CCSER1: variants seen among roughly 807,000 people sequenced by gnomAD.
CCSER1 encodes the protein serine-rich coiled-coil domain-containing protein 1.
CCSER1 carries 41 observed loss-of-function variants against 82.0 expected under a neutral mutation model. The observed-to-expected ratio is 0.50, with a 90% CI of 0.39 to 0.65. The LOEUF is 0.65. Among genes scored for constraint, CCSER1 ranks in the 30% least tolerant of loss-of-function variants. The pLI is 0.00. For synonymous variants in CCSER1, 414 were observed against 383.9 expected, an observed-to-expected ratio of 1.08 and a Z score of -0.92; for missense variants, 1,119 against 1,064.2, an observed-to-expected ratio of 1.05 and a Z score of -0.72.
intron 10 of CCSER1, among the ~76,000 whole-genome samples, chr4:91,296,319 G>A (rs1247130931): frequency 6.6e-6 from 1 of 151,092 alleles, no homozygotes; most frequent in African/African-American, 2.4e-5. Flanking sequence ...TAAAGGGAGG[G>A]AGAAGAAGTT....
intron 8 of CCSER1, among the ~76,000 whole-genome samples, chr4:90,841,257 C>G (rs1011764690): frequency 2.0e-5 from 3 of 152,064 alleles, no homozygotes; most frequent in Non-Finnish European, 4.4e-5. Context: ...AGGGTAGAAA[C>G]AAACATAGAA....
intron 10 of CCSER1, among the ~76,000 whole-genome samples, chr4:91,336,602 G>C (rs1747342945): frequency 6.6e-6 from 1 of 151,902 alleles, no homozygotes; most frequent in Non-Finnish European, 1.5e-5. Flanking sequence ...TACATAAAGG[G>C]CTCAATGCCT....
In CCSER1 at chr4:90,537,211, A is replaced by G. The variant is rs569496939; in HGVS notation, c.1724+68857A>G. On this transcript the variant is annotated intron_variant, in intron 5 of 10. Transcript: ENST00000509176. ...CACTTGTAAACATTAGCTTTGTTGC[A>G]TTGTTTTATTTTTCTTACATCAAGT... 2.0e-4 allele frequency among the ~76,000 whole-genome samples: 30 copies of G among 152,138 alleles called. No individual in the cohort carries two copies. In the East Asian group the frequency reaches 3.5e-3, roughly 18 times the overall value.
chr4:91,449,733 T>C (rs1336901424), intron 10 of CCSER1, among the ~76,000 whole-genome samples: 1 of 152,062 alleles, frequency 6.6e-6, no homozygotes, highest in Non-Finnish European at 1.5e-5. Context: ...TTAATTGTTT[T>C]GTATTTAGGG....
intron 9 of CCSER1, among the ~76,000 whole-genome samples, chr4:90,956,532 T>C (rs1393185746): frequency 6.6e-6 from 1 of 152,202 alleles, no homozygotes; most frequent in Non-Finnish European, 1.5e-5. Flanking sequence ...TACCTATCCA[T>C]TAATCCATTT....
chr4:90,273,415 T>A (rs546613289), intron 1 of CCSER1, among the ~76,000 whole-genome samples: 1 of 152,284 alleles, frequency 6.6e-6, no homozygotes, highest in South Asian at 2.1e-4. Flanking sequence ...AGATACCTCA[T>A]TTGCCCTGAT....
At chr4:91,155,252 C>A (rs553155329) in intron 10 of CCSER1, among the ~76,000 whole-genome samples, 3 of 151,862 alleles carry the variant, frequency 2.0e-5, no homozygotes, top group Admixed American at 2.0e-4. Context: ...GTAGATTTTG[C>A]CCATGCTGTT....
chr4:91,470,083 A>T (rs574866571), intron 10 of CCSER1, among the ~76,000 whole-genome samples: 2 of 152,158 alleles, frequency 1.3e-5, no homozygotes, highest in East Asian at 3.9e-4. Context: ...CAAAAAGCCT[A>T]CTTATATAAC....
intron 5 of CCSER1, among the ~76,000 whole-genome samples, chr4:90,548,543 G>C (rs764734527): frequency 7.2e-5 from 11 of 152,034 alleles, no homozygotes; most frequent in Non-Finnish European, 1.2e-4. Context: ...CAAACATCGT[G>C]AAGGTGCCTA....
intron 10 of CCSER1, among the ~76,000 whole-genome samples, chr4:91,180,739 G>GAC (rs763274296): frequency 9.2e-5 from 14 of 152,178 alleles, no homozygotes; most frequent in Non-Finnish European, 4.4e-5. Context: ...AGGAATTAAA[G>GAC]ACACACACAC....
intron 8 of CCSER1, among the ~76,000 whole-genome samples, chr4:90,915,243 G>A (rs1403334757): frequency 2.0e-5 from 3 of 152,136 alleles, no homozygotes; most frequent in African/African-American, 7.2e-5. Flanking sequence ...TATCCATGAT[G>A]AACATTGATG....
At chr4:91,124,829 T>A (rs528892657) in intron 10 of CCSER1, among the ~76,000 whole-genome samples, 1 of 151,874 alleles carries the variant, frequency 6.6e-6, no homozygotes, top group South Asian at 2.1e-4. Flanking sequence ...AGTGTTAGCA[T>A]CATGAGCTGA....
intron 8 of CCSER1, among the ~76,000 whole-genome samples, chr4:90,825,610 T>A (rs539269475): frequency 6.6e-6 from 1 of 152,310 alleles, no homozygotes; most frequent in East Asian, 1.9e-4. Flanking sequence ...TTTAAAGATG[T>A]AATTGGCTTT....
At chr4:90,635,036 T>C (rs1402104318) in intron 6 of CCSER1, among the ~76,000 whole-genome samples, 1 of 151,900 alleles carries the variant, frequency 6.6e-6, no homozygotes, top group Non-Finnish European at 1.5e-5. Flanking sequence ...CAATCAAACA[T>C]GTGGATGGCT....
At chr4:91,165,703 C>T (rs1731973814) in intron 10 of CCSER1, among the ~76,000 whole-genome samples, 2 of 152,374 alleles carry the variant, frequency 1.3e-5, no homozygotes, top group South Asian at 2.1e-4. Context: ...CGCTAGCAGT[C>T]AGCAAGGCTC....
chr4:91,039,909 A>G (rs903203917), intron 9 of CCSER1, among the ~76,000 whole-genome samples: 1 of 152,134 alleles, frequency 6.6e-6, no homozygotes, highest in African/African-American at 2.4e-5. Flanking sequence ...TACATATTCA[A>G]TTTAGTCACC....
chr4:91,523,459 C>T (rs1477149236), intron 10 of CCSER1, among the ~76,000 whole-genome samples: 3 of 152,122 alleles, frequency 2.0e-5, no homozygotes, highest in East Asian at 1.9e-4. Context: ...GTACCAGCTC[C>T]TCTTTGTACC....
rs547471080 is a variant in CCSER1 at position 90,411,187 on chromosome 4, C to A, written c.1603+11058C>A. 9.0e-4 allele frequency among the ~76,000 whole-genome samples: 137 copies of A among 152,236 alleles called. 1 individual carries two copies. Among genetic ancestry groups the A allele is most frequent in the African/African-American group, 2.3e-3 (94 of 41,530 alleles). On this transcript the variant is annotated intron_variant, in intron 4 of 10. Coordinates refer to ENST00000509176, the MANE Select transcript of CCSER1 (RefSeq NM_001145065.2). ...CAGATGGATTCACAGCCGAATTCTACCAGAGGTACAAGGAGGAGCTGGTAC... is the reference window on the plus strand; with the variant it reads ...CAGATGGATTCACAGCCGAATTCTAACAGAGGTACAAGGAGGAGCTGGTAC...
At chr4:90,471,997 A>G (rs936392684) in intron 5 of CCSER1, among the ~76,000 whole-genome samples, 3 of 152,084 alleles carry the variant, frequency 2.0e-5, no homozygotes, top group Non-Finnish European at 4.4e-5. Context: ...AATAGTAGAC[A>G]TAAAATAATC....
Sources: allele counts gnomAD v4.1 joint callset (sites outside exome capture counted in the v4.1 genomes callset), GRCh38; gene constraint gnomAD v4.1.1; transcripts MANE v1.5; gene names NCBI Gene and HGNC (gene_info 2026-07-23, HGNC 2026-07-21).